The following NMU variants were observed in gnomAD, a reference collection of about 807,000 sequenced individuals.
The protein encoded by NMU is neuromedin-U.
NMU carries 29 observed loss-of-function variants against 35.4 expected under a neutral mutation model. That is an observed-to-expected ratio of 0.82 (90% CI 0.61 to 1.12). The LOEUF is 1.12. Ranked by LOEUF, NMU falls within the 50% of genes most tolerant of loss-of-function variation. NMU has a pLI of 0.00. For synonymous variants in NMU, 78 were observed against 81.3 expected, an observed-to-expected ratio of 0.96 and a Z score of 0.22; for missense variants, 199 against 206.2, an observed-to-expected ratio of 0.97 and a Z score of 0.21.
intron 2 of NMU, among the ~76,000 whole-genome samples, chr4:55,616,641 T>A (rs1734117754): frequency 6.6e-6 from 1 of 152,196 alleles, no homozygotes; most frequent in South Asian, 2.1e-4. Flanking sequence ...GGCATGAAGA[T>A]GCCTCACATT....
In NMU at chr4:55,605,342, A is replaced by G. The variant is rs756862152; in HGVS notation, c.368T>C (p.Val123Ala). 1 of 1,612,632 alleles carries G rather than the reference A, an allele frequency of 6.2e-7. No homozygotes were observed. ...KLGKSNVVSSVVHPLLQLVPH... is the reference protein window; with the variant it reads ...KLGKSNVVSSAVHPLLQLVPH... ...AACGAGCTGCAGCAACGGATGCACA[A>G]CTGACGACTGAGAGGACATGAACAC... The change falls in exon 7 of 10, where the codon GTT (valine) becomes GCT (alanine). Residue 123 changes from valine (V) to alanine (A), a missense_variant. Transcript: ENST00000264218.
chr4:55,605,399 T>C (rs774027929), intron 6 of NMU, 50 bp from the exon 7 acceptor site: 4 of 1,278,538 alleles, frequency 3.1e-6, no homozygotes, highest in African/African-American at 2.9e-5. Context: ...TTCTCAGCAG[T>C]GGCCATCAAG....
intron 2 of NMU, among the ~76,000 whole-genome samples, chr4:55,619,769 G>A (rs1458556972): frequency 6.8e-6 from 1 of 146,388 alleles, no homozygotes; most frequent in Non-Finnish European, 1.5e-5. Context: ...GTCCCTGTCT[G>A]ACAGCTTTGA....
chr4:55,610,475 A>AAG (rs1733889410), intron 3 of NMU, among the ~76,000 whole-genome samples: 1 of 151,810 alleles, frequency 6.6e-6, no homozygotes, highest in African/African-American at 2.4e-5. Flanking sequence ...AAAAAAAAAA[A>AAG]AAAGAAAGAC....
chr4:55,624,056 C>A, intron 2 of NMU, among the ~76,000 whole-genome samples: 1 of 132,236 alleles, frequency 7.6e-6, no homozygotes, highest in Non-Finnish European at 1.6e-5. Flanking sequence ...GACCTAAAAC[C>A]ATAAAAACCC....
At chr4:55,605,380 G>A in intron 6 of NMU, 31 bp from the exon 7 acceptor site, 1 of 1,530,870 alleles carries the variant, frequency 6.5e-7, no homozygotes, top group South Asian at 1.1e-5. Flanking sequence ...ACGTGAATAA[G>A]TGCATGGCTT....
At chr4:55,618,111 A>G (rs924827215) in intron 2 of NMU, among the ~76,000 whole-genome samples, 5 of 152,218 alleles carry the variant, frequency 3.3e-5, no homozygotes, top group Admixed American at 6.5e-5. Context: ...TGTACAGACC[A>G]TTGGTAAATC....
intron 2 of NMU, among the ~76,000 whole-genome samples, chr4:55,627,181 G>A (rs1734567254): frequency 6.6e-6 from 1 of 152,028 alleles, no homozygotes; most frequent in Non-Finnish European, 1.5e-5. Context: ...GGTGGTGACT[G>A]CTATTCTCTC....
Position 55,625,761 on chromosome 4 carries a change from G to A in NMU, c.171+4641C>T, listed in dbSNP as rs112396116. Reference sequence around the variant, plus strand: ...TGTAAAACCCATATTGTTGTTTTGTGTGCATGTATATTTCCTCACTTTTTT... The same window carrying A: ...TGTAAAACCCATATTGTTGTTTTGTATGCATGTATATTTCCTCACTTTTTT... On this transcript the variant is annotated intron_variant, in intron 2 of 9. Transcript: ENST00000264218. Among the ~76,000 whole-genome samples, 19 of 150,694 alleles carry A rather than the reference G, an allele frequency of 1.3e-4. 1 individual carries two copies. The highest frequency in any genetic ancestry group is 4.6e-4 in the African/African-American group (19 of 40,900).
chr4:55,597,053 A>G (rs1386343757), intron 9 of NMU, among the ~76,000 whole-genome samples: 2 of 152,170 alleles, frequency 1.3e-5, no homozygotes, highest in African/African-American at 4.8e-5. Flanking sequence ...TTGAACAACC[A>G]TCCTTGAGTT....
intron 2 of NMU, among the ~76,000 whole-genome samples, chr4:55,629,219 CACA>C (rs1734662634): frequency 6.6e-6 from 1 of 152,082 alleles, no homozygotes. Context: ...TCCAATTATA[CACA>C]ACGAGAATGT....
intron 2 of NMU, among the ~76,000 whole-genome samples, chr4:55,628,154 C>T (rs11133404): frequency 0.5 from 75,273 of 151,946 alleles, 19,007 homozygotes; most frequent in East Asian, 0.68. Context: ...AGATAGCCAT[C>T]CATACTTTCT....
At chr4:55,596,845 G>A (rs1003341018) in intron 9 of NMU, among the ~76,000 whole-genome samples, 2 of 152,032 alleles carry the variant, frequency 1.3e-5, no homozygotes, top group Admixed American at 6.6e-5. Flanking sequence ...TGACATTAAC[G>A]GAAAAGCTCC....
chr4:55,605,752 C>G (rs1011271987), intron 6 of NMU, among the ~76,000 whole-genome samples: 2 of 152,226 alleles, frequency 1.3e-5, no homozygotes, highest in African/African-American at 4.8e-5. Flanking sequence ...CCACTATAAA[C>G]ATGTTAATCT....
At chr4:55,610,356 G>A (rs1351710599) in intron 3 of NMU, among the ~76,000 whole-genome samples, 6 of 151,894 alleles carry the variant, frequency 4.0e-5, no homozygotes, top group Non-Finnish European at 4.4e-5. Flanking sequence ...CCAGCTACTC[G>A]GGAGGCTGAG....
Position 55,607,429 on chromosome 4 carries a change from C to A in NMU, c.309+8G>T. 2 of 1,102,600 alleles carry A rather than the reference C, an allele frequency of 1.8e-6. No homozygotes were observed. The highest frequency in any genetic ancestry group is 2.6e-5 in the South Asian group (2 of 76,220). The allele number at this position is 1,102,600 out of a possible 1,614,324, so 68.3% of individuals were successfully genotyped here. On this transcript the variant is annotated splice_region_variant and intron_variant, in intron 5 of 9. Coordinates refer to ENST00000264218, the MANE Select transcript of NMU (RefSeq NM_006681.4). The stretch of plus-strand genomic sequence containing the variant: ...TTATAAGGTATAGATGTATGAAAAT[C>A]ATCTTACCCTTTTAGTATTATCTTT...
At chr4:55,606,681 CTT>C (rs541449403) in intron 6 of NMU, among the ~76,000 whole-genome samples, 8 of 139,900 alleles carry the variant, frequency 5.7e-5, no homozygotes, top group Admixed American at 2.2e-4. Flanking sequence ...TCTTTCTTTT[CTT>C]TTTTTTTTTT....
At chr4:55,618,421 T>C (rs2110202208) in intron 2 of NMU, among the ~76,000 whole-genome samples, 1 of 152,224 alleles carries the variant, frequency 6.6e-6, no homozygotes, top group Middle Eastern at 3.4e-3. Flanking sequence ...CCTCCCTGTG[T>C]CCACTTGTTC....
In NMU at chr4:55,636,247, C is replaced by G; in HGVS notation, c.-55G>C. 1 of 1,419,472 alleles carries G rather than the reference C, an allele frequency of 7.0e-7. No individual in the cohort carries two copies. The highest frequency in any genetic ancestry group is 1.5e-5 in the South Asian group (1 of 65,886). The allele number at this position is 1,419,472 out of a possible 1,614,324, so 87.9% of individuals were successfully genotyped here. ...GGACGCTGCGCTGCGCCACGCGTAGCTGGTGCTCCACCTGGTGCCCTGGCT... is the reference window on the plus strand; with the variant it reads ...GGACGCTGCGCTGCGCCACGCGTAGGTGGTGCTCCACCTGGTGCCCTGGCT... On this transcript the variant is annotated 5_prime_UTR_variant, in exon 1 of 10. Transcript: ENST00000264218. This position sits in a 1 kb window ranked among gnomAD's most constrained non-coding sequence, Gnocchi z 4.0.
Sources: gnomAD v4.1 joint callset for allele counts (sites outside exome capture counted in the v4.1 genomes callset) on GRCh38, gnomAD v4.1.1 for gene constraint, Gnocchi (gnomAD v3.1) non-coding constraint, MANE v1.5 for transcripts, NCBI Gene and HGNC (gene_info 2026-07-23, HGNC 2026-07-21) for gene names.